Variants in HYAL4 observed in about 807,000 individuals in gnomAD.
HYAL4 encodes the protein hyaluronidase-4.
In HYAL4, 37 loss-of-function variants were observed where a neutral mutation model predicts 35.2. The observed-to-expected ratio is 1.05, with a 90% CI of 0.81 to 1.38. HYAL4 has a LOEUF of 1.38. Ranked by LOEUF, HYAL4 falls within the 40% of genes most tolerant of loss-of-function variation. HYAL4 has a pLI of 0.00. For missense variants in HYAL4, 572 were observed against 572.4 expected (o/e 1.00, Z 0.01); for synonymous variants, 198 against 203.2 (o/e 0.97, Z 0.22).
chr7:123,769,947 G>A, the HYAL4 span, among the ~76,000 whole-genome samples: 5 of 151,346 alleles, frequency 3.3e-5, no homozygotes, highest in Admixed American at 3.3e-4. Context: ...AATAACAAAC[G>A]TGTGGTTATC....
chr7:123,865,173 A>G (rs1806657334), intron 2 of HYAL4, among the ~76,000 whole-genome samples: 1 of 152,200 alleles, frequency 6.6e-6, no homozygotes, highest in Non-Finnish European at 1.5e-5. Flanking sequence ...AGGGGAAACA[A>G]TAGTCAGTGG....
Position 123,868,526 on chromosome 7 carries a change from C to A in HYAL4, c.253C>A (p.Gln85Lys). 8 of 1,609,438 alleles carry A rather than the reference C, an allele frequency of 5.0e-6. No homozygotes were observed. The highest frequency in any genetic ancestry group is 6.8e-6 in the Non-Finnish European group (8 of 1,178,890). The part of the protein sequence containing the change: ...IGSPLAKARG[Q>K]NVTIFYVNRL... ...AAGCCCACTGGCCAAGGCCAGGGGG[C>A]AAAATGTCACTATATTTTATGTCAA... is the stretch of plus-strand genomic sequence containing the variant. Residue 85 changes from glutamine to lysine, a missense_variant, in exon 3 of 5, where the codon CAA becomes AAA. Physicochemically the swap from Gln to Lys is moderately conservative, Grantham distance 53. Transcript: ENST00000223026.
chr7:123,841,567 G>A (rs1806066679), upstream of HYAL4, among the ~76,000 whole-genome samples: 2 of 151,990 alleles, frequency 1.3e-5, no homozygotes, highest in Admixed American at 1.3e-4. Context: ...AGAAGGAATG[G>A]TACCAGCTCA....
At chr7:123,774,575 GT>G in the HYAL4 span, among the ~76,000 whole-genome samples, 1 of 152,268 alleles carries the variant, frequency 6.6e-6, no homozygotes. Flanking sequence ...TTCATGGTCA[GT>G]GCTGCAGTCA....
chr7:123,804,940 C>T, the HYAL4 span, among the ~76,000 whole-genome samples: 1 of 152,200 alleles, frequency 6.6e-6, no homozygotes, highest in Non-Finnish European at 1.5e-5. Flanking sequence ...AACCTATTCT[C>T]ACTTCCAGAT....
chr7:123,769,131 CT>C, the HYAL4 span, among the ~76,000 whole-genome samples: 27 of 152,022 alleles, frequency 1.8e-4, no homozygotes, highest in Non-Finnish European at 3.1e-4. Flanking sequence ...GTTTAGTCTT[CT>C]TTTTTTTCCT....
the HYAL4 span, among the ~76,000 whole-genome samples, chr7:123,804,638 A>G: frequency 3.3e-5 from 5 of 152,014 alleles, no homozygotes; most frequent in African/African-American, 1.2e-4. Context: ...ATTCCCACAC[A>G]TACATTCCAT....
At chr7:123,820,648 T>G in the HYAL4 span, among the ~76,000 whole-genome samples, 1 of 151,922 alleles carries the variant, frequency 6.6e-6, no homozygotes, top group Non-Finnish European at 1.5e-5. Context: ...AAATCTACCC[T>G]CTTAAATTTT....
At chr7:123,871,765 T>TAA (rs1806888749) in intron 3 of HYAL4, among the ~76,000 whole-genome samples, 1 of 152,184 alleles carries the variant, frequency 6.6e-6, no homozygotes, top group Non-Finnish European at 1.5e-5. Context: ...AACATGCATA[T>TAA]GAAAACTTGA....
intron 3 of HYAL4, among the ~76,000 whole-genome samples, chr7:123,872,438 A>G (rs1372954398): frequency 6.6e-6 from 1 of 152,202 alleles, no homozygotes; most frequent in Non-Finnish European, 1.5e-5. Context: ...GTAATGCTCC[A>G]GCTCCCCACA....
At chr7:123,797,381 A>G in the HYAL4 span, among the ~76,000 whole-genome samples, 1 of 152,226 alleles carries the variant, frequency 6.6e-6, no homozygotes, top group Non-Finnish European at 1.5e-5. Context: ...CTGTTGAACT[A>G]AGTAACCTTT....
chr7:123,845,758 G>T (rs1378912379), intron 1 of HYAL4, 73 bp downstream of exon 1: 1 of 152,120 alleles, frequency 6.6e-6, no homozygotes, highest in South Asian at 2.1e-4. Flanking sequence ...TTGTTTTTCT[G>T]GTTCCTTCTC....
chr7:123,816,823 G>C, the HYAL4 span, among the ~76,000 whole-genome samples: 2 of 151,776 alleles, frequency 1.3e-5, no homozygotes, highest in East Asian at 3.9e-4. Flanking sequence ...TCTCACCTTT[G>C]GTCTAAGTAA....
chr7:123,843,645 A>C (rs576290424), upstream of HYAL4, among the ~76,000 whole-genome samples: 53 of 151,972 alleles, frequency 3.5e-4, 1 homozygote, highest in Non-Finnish European at 5.7e-4. Flanking sequence ...AATCAAACAT[A>C]CATTTGGTCT....
At position 123,868,389 on chromosome 7, in the gene HYAL4, G is replaced by A. The variant is rs866770583; in HGVS notation, c.116G>A (p.Arg39Gln). The A allele has an allele frequency of 8.1e-6, 13 of 1,612,524 alleles. No individual in the cohort carries two copies. The East Asian group carries it at 1.1e-4, about 14-fold the overall frequency. Residue 39 changes from arginine to glutamine, a missense_variant, in exon 3 of 5, where the codon CGA becomes CAA. Arg to Gln is a conservative substitution (Grantham distance 43, BLOSUM62 1). Coordinates refer to ENST00000223026, the MANE Select transcript of HYAL4 (RefSeq NM_012269.3). ...LKSISCLKPA[R>Q]LPIYQRKPFI... is the part of the protein sequence containing the mutation. ...TCTATCTCTTGTCTAAAACCTGCTCGACTTCCAATTTATCAAAGGAAACCT... is the reference window on the plus strand; with the variant it reads ...TCTATCTCTTGTCTAAAACCTGCTCAACTTCCAATTTATCAAAGGAAACCT...
chr7:123,783,093 A>G, the HYAL4 span, among the ~76,000 whole-genome samples: 2 of 152,116 alleles, frequency 1.3e-5, no homozygotes, highest in African/African-American at 4.8e-5. Flanking sequence ...ATGAGCAGGT[A>G]TCTGCTTAAA....
chr7:123,765,027 A>G, the HYAL4 span, among the ~76,000 whole-genome samples: 25 of 152,364 alleles, frequency 1.6e-4, no homozygotes, highest in South Asian at 1.2e-3. Context: ...AGATATTTCT[A>G]TTACAAAAAA....
chr7:123,777,688 AT>A, the HYAL4 span, among the ~76,000 whole-genome samples: 25 of 152,080 alleles, frequency 1.6e-4, no homozygotes, highest in South Asian at 6.2e-4. Flanking sequence ...ATTTAAAAAT[AT>A]TTTTTTTATT....
At position 123,876,904 on chromosome 7, in the gene HYAL4, C is replaced by G. The variant is rs374293981; in HGVS notation, c.1195C>G (p.His399Asp). 1.9e-6 allele frequency: 3 copies of G among 1,614,194 alleles called. No individual in the cohort carries two copies. The highest frequency in any genetic ancestry group is 1.7e-6 in the Non-Finnish European group (2 of 1,180,036). The part of the protein sequence containing the change: ...RKMWNAPSYL[H>D]LNPASYHIEA... ...GATGTGGAACGCGCCCAGTTACCTT[C>G]ACTTGAACCCTGCAAGTTACCACAT... The change falls in exon 5 of 5, where the codon CAC (histidine) becomes GAC (aspartate). Residue 399 changes from histidine (H) to aspartate (D), a missense_variant. Transcript: ENST00000223026.
Sources: allele counts gnomAD v4.1 joint callset (sites outside exome capture counted in the v4.1 genomes callset), GRCh38; gene constraint gnomAD v4.1.1; transcripts MANE v1.5; gene names NCBI Gene and HGNC (gene_info 2026-07-23, HGNC 2026-07-21).